Variants in COL4A3 observed in about 807,000 individuals in gnomAD.
COL4A3 encodes collagen alpha-3(IV) chain.
In COL4A3, 135 loss-of-function variants were observed where a neutral mutation model predicts 217.4. The observed-to-expected ratio is 0.62, with a 90% confidence interval of 0.54 to 0.72. COL4A3 has a LOEUF of 0.72. Ranked by LOEUF, COL4A3 falls within the 30% of genes least tolerant of loss-of-function variation. COL4A3 has a pLI of 0.00. For missense variants in COL4A3, 1,868 were observed against 2,119.9 expected (o/e 0.88, Z 2.33); for synonymous variants, 690 against 736.3 (o/e 0.94, Z 1.02).
chr2:227,201,930 A>G (rs1054931192), intron 1 of COL4A3, among the ~76,000 whole-genome samples: 15 of 152,226 alleles, frequency 9.9e-5, no homozygotes, highest in Non-Finnish European at 1.8e-4. Context: ...ATTATTAACT[A>G]AAGTATTAAA....
chr2:227,280,711 CTTCCTTCT>C (rs902016860), intron 30 of COL4A3, 121 bp downstream of exon 30: 2 of 1,262,730 alleles, frequency 1.6e-6, no homozygotes, highest in African/African-American at 2.9e-5. Context: ...CCCTACCTTT[CTTCCTTCT>C]TTCCTTCTTC....
At chr2:227,295,119 T>A in intron 40 of COL4A3, 57 bp downstream of exon 40, 8 of 1,540,122 alleles carry the variant, frequency 5.2e-6, no homozygotes, top group Non-Finnish European at 5.4e-6. Flanking sequence ...GAATCATTAG[T>A]AACAGTGTAA....
intron 23 of COL4A3, among the ~76,000 whole-genome samples, chr2:227,268,028 C>T (rs1371443524): frequency 5.3e-5 from 8 of 152,298 alleles, no homozygotes; most frequent in Middle Eastern, 3.4e-3. Context: ...CTCTGCCCCT[C>T]GGGCCACTCC....
intron 21 of COL4A3, chr2:227,265,299 G>A (rs1023503878): frequency 1.3e-5 from 2 of 152,174 alleles, no homozygotes; most frequent in Non-Finnish European, 2.9e-5. Flanking sequence ...GTATTTTAAA[G>A]ATGCAGAAAA....
chr2:227,268,716 G>A (rs2071069017), intron 23 of COL4A3: 1 of 152,196 alleles, frequency 6.6e-6, no homozygotes, highest in African/African-American at 2.4e-5. Context: ...GGGGAGGTAG[G>A]AGCTGTTCCT....
chr2:227,225,078 A>G (rs2068013498), intron 1 of COL4A3, among the ~76,000 whole-genome samples: 1 of 151,926 alleles, frequency 6.6e-6, no homozygotes, highest in South Asian at 2.1e-4. Flanking sequence ...TGCCTGGCTA[A>G]TTTTTTTTAT....
intron 1 of COL4A3, among the ~76,000 whole-genome samples, chr2:227,184,915 T>C (rs1382032267): frequency 8.1e-6 from 1 of 122,826 alleles, no homozygotes; most frequent in Non-Finnish European, 1.7e-5. Context: ...TTTTTTTTTT[T>C]TTTTGAGATG....
intron 51 of COL4A3, among the ~76,000 whole-genome samples, chr2:227,311,505 G>A (rs372726540): frequency 1.3e-5 from 2 of 151,488 alleles, no homozygotes; most frequent in South Asian, 2.1e-4. Flanking sequence ...TCAGCCTCCC[G>A]AGTAGCTGGG....
intron 47 of COL4A3, chr2:227,305,428 A>G (rs2073460025): frequency 8.5e-6 from 2 of 236,206 alleles, no homozygotes; most frequent in Non-Finnish European, 8.6e-6. Context: ...TTATAGGAGC[A>G]GTACATAAGT....
intron 1 of COL4A3, among the ~76,000 whole-genome samples, chr2:227,171,471 G>A (rs6735954): frequency 0.05 from 7,542 of 152,252 alleles, 234 homozygotes; most frequent in Admixed American, 0.087. Flanking sequence ...GAAAGTTGAG[G>A]TGTTAAATAA....
chr2:227,284,602 A>C (rs532876392), intron 34 of COL4A3, among the ~76,000 whole-genome samples: 11 of 152,320 alleles, frequency 7.2e-5, no homozygotes, highest in Admixed American at 5.2e-4. Flanking sequence ...AATCATCAGC[A>C]GTCAGTTTTT....
chr2:227,282,285 T>C lies in COL4A3; in HGVS notation c.2489-80T>C, dbSNP rs2106161811. 1.9e-6 allele frequency: 1 copy of C among 538,414 alleles called. No individual in the cohort carries two copies. The highest frequency in any genetic ancestry group is 3.6e-5 in the South Asian group (1 of 27,446). The allele number at this position is 538,414 out of a possible 1,614,324, so 33.4% of individuals were successfully genotyped here. A position where few individuals can be genotyped will look rare whatever the true frequency, so the allele number is the denominator to read the frequency against. The stretch of plus-strand genomic sequence containing the variant: ...AGATTCCATCTTAAAAATATATATA[T>C]ATATATATATATATATTTCTGAAGT... On this transcript the variant is annotated intron_variant, in intron 31 of 51. Transcript: ENST00000396578. The surrounding 1 kb of genome is among the most constrained non-coding windows in gnomAD (Gnocchi z 4.4).
At chr2:227,301,000 C>A (rs1045499988) in intron 43 of COL4A3, among the ~76,000 whole-genome samples, 5 of 152,034 alleles carry the variant, frequency 3.3e-5, no homozygotes, top group African/African-American at 1.2e-4. Flanking sequence ...AATGAGGACA[C>A]CTTGGGAGGA....
intron 1 of COL4A3, among the ~76,000 whole-genome samples, chr2:227,224,788 G>T (rs1458089504): frequency 6.6e-6 from 1 of 152,046 alleles, no homozygotes; most frequent in Non-Finnish European, 1.5e-5. Flanking sequence ...ATTATAGTTT[G>T]AGAAAACAAT....
intron 8 of COL4A3, chr2:227,248,231 TACTG>T: frequency 2.0e-6 from 1 of 503,678 alleles, no homozygotes; most frequent in South Asian, 1.9e-5. Context: ...TGTGCCACTG[TACTG>T]GGCCCACTGT....
chr2:227,263,451 T>TA (rs940536976), intron 20 of COL4A3, among the ~76,000 whole-genome samples: 10 of 152,098 alleles, frequency 6.6e-5, no homozygotes, highest in African/African-American at 1.7e-4. Flanking sequence ...TAGTCTCTAA[T>TA]AAAAAAAATC....
intron 1 of COL4A3, among the ~76,000 whole-genome samples, chr2:227,167,705 C>T (rs1449542551): frequency 6.6e-6 from 1 of 151,962 alleles, no homozygotes; most frequent in Non-Finnish European, 1.5e-5. Flanking sequence ...AATTAGAAAA[C>T]AAAAAGTAAT....
intron 29 of COL4A3, among the ~76,000 whole-genome samples, 156 bp downstream of exon 29, chr2:227,280,046 C>G (rs187625633): frequency 6.6e-6 from 1 of 152,276 alleles, no homozygotes; most frequent in African/African-American, 2.4e-5. Context: ...TTCTCTGGAT[C>G]ATCTTCCATT....
intron 14 of COL4A3, among the ~76,000 whole-genome samples, 162 bp from the exon 15 acceptor site, chr2:227,254,493 GT>G (rs1270990128): frequency 1.3e-5 from 2 of 152,080 alleles, no homozygotes; most frequent in Non-Finnish European, 2.9e-5. Context: ...TTTAGCATCT[GT>G]TTTTTAATTA....
Sources: gnomAD v4.1 joint callset for allele counts (sites outside exome capture counted in the v4.1 genomes callset) on GRCh38, gnomAD v4.1.1 for gene constraint, Gnocchi (gnomAD v3.1) non-coding constraint, MANE v1.5 for transcripts, NCBI Gene and HGNC (gene_info 2026-07-23, HGNC 2026-07-21) for gene names.